Variants in GRK5 observed in about 807,000 individuals in gnomAD.
GRK5 encodes g protein-coupled receptor kinase GRK5.
In GRK5, 40 loss-of-function variants were observed where a neutral mutation model predicts 78.4. The observed-to-expected ratio is 0.51, with a 90% CI of 0.40 to 0.66. The LOEUF is 0.66. GRK5 is among the 30% of genes least tolerant of loss of function. The pLI is 0.00. For synonymous variants in GRK5, 289 were observed against 296.8 expected (o/e 0.97, Z 0.27); for missense variants, 598 against 759.9 (o/e 0.79, Z 2.50).
intron 4 of GRK5, among the ~76,000 whole-genome samples, chr10:119,417,319 C>T (rs1323184725): frequency 2.0e-5 from 3 of 152,208 alleles, no homozygotes; most frequent in African/African-American, 7.2e-5. Context: ...CCCTCCTCCC[C>T]AGCCTGCCTC....
At chr10:119,381,852 G>A (rs1851715085) in intron 3 of GRK5, among the ~76,000 whole-genome samples, 1 of 152,148 alleles carries the variant, frequency 6.6e-6, no homozygotes, top group African/African-American at 2.4e-5. Context: ...CTCAGTTTGG[G>A]GGACAACCCT....
chr10:119,377,638 C>T (rs907517347), intron 2 of GRK5, among the ~76,000 whole-genome samples: 15 of 152,142 alleles, frequency 9.9e-5, no homozygotes, highest in Admixed American at 4.6e-4. Flanking sequence ...GTGTTGGAAT[C>T]GCATGGTGTT....
chr10:119,342,654 G>A (rs151147543), intron 2 of GRK5, among the ~76,000 whole-genome samples: 113 of 152,202 alleles, frequency 7.4e-4, no homozygotes, highest in Admixed American at 2.4e-3. Flanking sequence ...GCCAGGTCCC[G>A]CCAGCTTAAG....
intron 1 of GRK5, among the ~76,000 whole-genome samples, chr10:119,321,824 G>C (rs991771994): frequency 6.6e-6 from 1 of 152,036 alleles, no homozygotes; most frequent in Non-Finnish European, 1.5e-5. Flanking sequence ...CTGCACCCTC[G>C]GCTTGGGGCT....
intron 1 of GRK5, among the ~76,000 whole-genome samples, chr10:119,315,577 C>T (rs940993084): frequency 2.6e-5 from 4 of 152,232 alleles, no homozygotes; most frequent in African/African-American, 9.6e-5. Context: ...ACTCTGAGAA[C>T]ACCCACAGCC....
intron 1 of GRK5, among the ~76,000 whole-genome samples, chr10:119,296,835 C>T (rs971693623): frequency 6.6e-5 from 10 of 152,230 alleles, no homozygotes; most frequent in South Asian, 2.1e-4. Flanking sequence ...ACAAGCAGCA[C>T]GTTCTGTGGA....
At chr10:119,273,694 G>C (rs529450072) in intron 1 of GRK5, among the ~76,000 whole-genome samples, 1 of 152,296 alleles carries the variant, frequency 6.6e-6, no homozygotes, top group South Asian at 2.1e-4. Flanking sequence ...TGTTTAAGTG[G>C]CTGAGCCATG....
At position 119,207,864 on chromosome 10, in the gene GRK5, C is replaced by A. The variant is rs2230347; in HGVS notation, c.-54C>A. The A allele has an allele frequency of 1.2e-5, 18 of 1,534,500 alleles. 1 individual carries two copies. The Admixed American group carries it at 3.1e-4, about 27-fold the overall frequency. ...AGCAGCGGCAGCAGCAGCGGCAGCACCCCAGGCGCTGACAGCCCCGCCGGC... is the reference window on the plus strand; with the variant it reads ...AGCAGCGGCAGCAGCAGCGGCAGCAACCCAGGCGCTGACAGCCCCGCCGGC... On this transcript the variant is annotated 5_prime_UTR_variant, in exon 1 of 16. Transcript: ENST00000392870.
chr10:119,288,369 G>A (rs1849894179), intron 1 of GRK5, among the ~76,000 whole-genome samples: 1 of 152,216 alleles, frequency 6.6e-6, no homozygotes, highest in African/African-American at 2.4e-5. Context: ...GACCTTGTCT[G>A]TCTTGCTTGT....
chr10:119,434,618 CA>C (rs1852884668), intron 8 of GRK5, among the ~76,000 whole-genome samples: 1 of 152,264 alleles, frequency 6.6e-6, no homozygotes, highest in Non-Finnish European at 1.5e-5. Context: ...CGGTCTTGGG[CA>C]GCTCCATCCC....
At chr10:119,213,914 T>C (rs1848528578) in intron 1 of GRK5, among the ~76,000 whole-genome samples, 1 of 152,182 alleles carries the variant, frequency 6.6e-6, no homozygotes, top group Non-Finnish European at 1.5e-5. Flanking sequence ...GATAATACAA[T>C]GTGAAATGAC....
intron 1 of GRK5, among the ~76,000 whole-genome samples, chr10:119,325,980 C>G (rs1042247736): frequency 2.0e-4 from 31 of 152,304 alleles, no homozygotes; most frequent in Non-Finnish European, 3.1e-4. Flanking sequence ...CTCGGAGACT[C>G]TGGGGTTTGT....
intron 1 of GRK5, among the ~76,000 whole-genome samples, chr10:119,302,936 C>G (rs1850208289): frequency 6.6e-6 from 1 of 152,194 alleles, no homozygotes; most frequent in African/African-American, 2.4e-5. Context: ...ATGCTGGTGA[C>G]AGCACCTGCT....
chr10:119,286,426 G>C (rs557405168), intron 1 of GRK5, among the ~76,000 whole-genome samples: 28 of 151,982 alleles, frequency 1.8e-4, no homozygotes, highest in Middle Eastern at 3.4e-3. Flanking sequence ...TCTTGCCACA[G>C]TCTGTGATTG....
At chr10:119,304,474 T>C (rs1319931665) in intron 1 of GRK5, among the ~76,000 whole-genome samples, 4 of 152,106 alleles carry the variant, frequency 2.6e-5, no homozygotes, top group Non-Finnish European at 5.9e-5. Context: ...TGCTGTCTGT[T>C]GAGTGCTCAC....
chr10:119,222,175 C>T (rs958748109), intron 1 of GRK5, among the ~76,000 whole-genome samples: 2 of 152,172 alleles, frequency 1.3e-5, no homozygotes, highest in Middle Eastern at 3.2e-3. Context: ...TCCAAGATCA[C>T]ATACCAAGGA....
chr10:119,228,778 G>C (rs557695067), intron 1 of GRK5, among the ~76,000 whole-genome samples: 2 of 152,200 alleles, frequency 1.3e-5, no homozygotes, highest in Admixed American at 1.3e-4. Flanking sequence ...TTTTGGGGAG[G>C]GGGTGACAAT....
At chr10:119,339,819 A>T (rs1295325078) in intron 2 of GRK5, among the ~76,000 whole-genome samples, 1 of 152,094 alleles carries the variant, frequency 6.6e-6, no homozygotes, top group Non-Finnish European at 1.5e-5. Context: ...TGCATGAGCC[A>T]GGGAGGCAGA....
intron 2 of GRK5, among the ~76,000 whole-genome samples, chr10:119,337,705 C>G (rs1190883603): frequency 6.6e-6 from 1 of 152,032 alleles, no homozygotes; most frequent in Non-Finnish European, 1.5e-5. Flanking sequence ...CTGCAACCTC[C>G]ACCTCCCGGG....
Sources: allele counts gnomAD v4.1 joint callset (sites outside exome capture counted in the v4.1 genomes callset), GRCh38; gene constraint gnomAD v4.1.1; transcripts MANE v1.5; gene names NCBI Gene and HGNC (gene_info 2026-07-23, HGNC 2026-07-21).